PRKAR1A: variants seen among roughly 807,000 people sequenced by gnomAD.
The protein encoded by PRKAR1A is protein kinase cAMP-dependent type I regulatory subunit alpha.
In PRKAR1A, 3 loss-of-function variants were observed where a neutral mutation model predicts 52.0. That is an observed-to-expected ratio of 0.06 (90% CI 0.03 to 0.15). The LOEUF is 0.15. PRKAR1A is among the 10% of genes least tolerant of loss of function. The pLI, the probability that PRKAR1A is intolerant of heterozygous loss-of-function variation, is 1.00. For synonymous variants in PRKAR1A, 188 were observed against 168.4 expected (o/e 1.12, Z -0.90); for missense variants, 240 against 477.4 (o/e 0.50, Z 4.63).
rs1233559792 is a variant in PRKAR1A at position 68,531,283 on chromosome 17, AT to A, written c.*837del. 9.4e-7 allele frequency: 1 copy of A among 1,066,186 alleles called. No individual in the cohort carries two copies. Among genetic ancestry groups the A allele is most frequent in the Non-Finnish European group, 1.1e-6 (1 of 879,638 alleles). The allele number at this position is 1,066,186 out of a possible 1,614,324, so 66.0% of individuals were successfully genotyped here. A position where few individuals can be genotyped will look rare whatever the true frequency, so the allele number is the denominator to read the frequency against. On this transcript the variant is annotated 3_prime_UTR_variant, in exon 11 of 11. Transcript: ENST00000589228. ...ATCAGATGCTGAATTGAGAATAAGA[AT>A]TTGAGGTCTACATTCTTGGTTGTTA... is the stretch of plus-strand genomic sequence containing the variant.
the PRKAR1A span, among the ~76,000 whole-genome samples, chr17:68,473,826 A>G: frequency 2.0e-5 from 3 of 152,078 alleles, no homozygotes; most frequent in Admixed American, 6.6e-5. Context: ...TGGCCAACCT[A>G]TCTATTTTAT....
chr17:68,432,916 G>T, the PRKAR1A span, among the ~76,000 whole-genome samples: 1 of 151,910 alleles, frequency 6.6e-6, no homozygotes, highest in Non-Finnish European at 1.5e-5. Context: ...CTCATTGTCT[G>T]CCCTGAAGTT....
chr17:68,441,076 C>T, the PRKAR1A span: 5 of 152,206 alleles, frequency 3.3e-5, no homozygotes, highest in African/African-American at 1.2e-4. Context: ...CTCAATATCC[C>T]ATAAAAGGTG....
chr17:68,423,637 G>T, the PRKAR1A span, among the ~76,000 whole-genome samples: 1 of 152,192 alleles, frequency 6.6e-6, no homozygotes, highest in South Asian at 2.1e-4. The surrounding 1 kb of genome is among the most constrained non-coding windows in gnomAD (Gnocchi z 4.4). Flanking sequence ...GGAGGGAGAA[G>T]AAACAACTGG....
chr17:68,457,352 G>A, the PRKAR1A span: 1 of 1,544,182 alleles, frequency 6.5e-7, no homozygotes, highest in South Asian at 1.2e-5. Flanking sequence ...GTGCAGTCCT[G>A]GTTGAAAGAG....
At position 68,532,998 on chromosome 17, in the gene PRKAR1A, A is replaced by C; in HGVS notation, c.*2549A>C. ...GCAGATTTATTTACTTAGTCATGGA[A>C]AGAAAAAAATTCAGTCAAAAGCTAA... On this transcript the variant is annotated 3_prime_UTR_variant, in exon 11 of 11. Coordinates refer to ENST00000589228, the MANE Select transcript of PRKAR1A (RefSeq NM_002734.5). 9.4e-7 allele frequency: 1 copy of C among 1,065,898 alleles called. No individual in the cohort carries two copies. Among genetic ancestry groups the C allele is most frequent in the Non-Finnish European group, 1.1e-6 (1 of 879,682 alleles). 66.0% of individuals were successfully genotyped at this position (1,065,898 alleles called of 1,614,324 possible). A position where few individuals can be genotyped will look rare whatever the true frequency, so the allele number is the denominator to read the frequency against.
At chr17:68,442,423 C>T in the PRKAR1A span, among the ~76,000 whole-genome samples, 6,856 of 150,836 alleles carry the variant, frequency 0.045, 481 homozygotes, top group African/African-American at 0.15. Flanking sequence ...TGAGATTGCA[C>T]CACCTCACTC....
chr17:68,425,915 ACAG>A, the PRKAR1A span: 2 of 626,594 alleles, frequency 3.2e-6, no homozygotes, highest in East Asian at 5.5e-5. Flanking sequence ...TTCGAAGCAC[ACAG>A]TACAACAAAT....
intron 2 of PRKAR1A, among the ~76,000 whole-genome samples, chr17:68,521,264 CTG>C (rs1335622604): frequency 6.6e-6 from 1 of 152,124 alleles, no homozygotes; most frequent in Non-Finnish European, 1.5e-5. Flanking sequence ...GGATCTCACT[CTG>C]TTGCCCAGGC....
At chr17:68,502,585 C>G in the PRKAR1A span, among the ~76,000 whole-genome samples, 1 of 151,972 alleles carries the variant, frequency 6.6e-6, no homozygotes, top group Non-Finnish European at 1.5e-5. Context: ...ACCCCCGTCT[C>G]TACTAAAAAT....
chr17:68,539,808 G>T, intron 11 of PRKAR1A: 1 of 1,434,158 alleles, frequency 7.0e-7, no homozygotes, highest in Non-Finnish European at 9.8e-7. Context: ...CAGGGCGTCT[G>T]TTTCCCCCGA....
At position 68,512,510 on chromosome 17, in the gene PRKAR1A, C is replaced by G. The variant is rs1394975602; in HGVS notation, c.-45C>G. ...GAGGGAGCTCGGTACGCCGCCGCCTCGCACCCGCAGCCTCGCGCCCGCCGC... is the reference window on the plus strand; with the variant it reads ...GAGGGAGCTCGGTACGCCGCCGCCTGGCACCCGCAGCCTCGCGCCCGCCGC... On this transcript the variant is annotated 5_prime_UTR_variant, in exon 1 of 11. Transcript: ENST00000589228. The G allele has an allele frequency of 7.8e-5, 12 of 153,954 alleles. No individual in the cohort carries two copies. The Admixed American group carries it at 7.9e-4, about 10-fold the overall frequency. The allele number at this position is 153,954 out of a possible 1,614,324, so 9.5% of individuals were successfully genotyped here.
intron 2 of PRKAR1A, 142 bp from the exon 3 acceptor site, chr17:68,522,614 T>G: frequency 1.1e-6 from 1 of 882,902 alleles, no homozygotes; most frequent in Admixed American, 2.0e-5. Flanking sequence ...TTTTCCCCTT[T>G]GGAATTGGTG....
the PRKAR1A span, among the ~76,000 whole-genome samples, chr17:68,448,974 G>T: frequency 6.6e-6 from 1 of 152,050 alleles, no homozygotes; most frequent in Non-Finnish European, 1.5e-5. Context: ...ATTTTTCACC[G>T]CACTGCTTTA....
downstream of PRKAR1A, among the ~76,000 whole-genome samples, chr17:68,534,832 A>G (rs957184473): frequency 3.9e-5 from 6 of 152,352 alleles, no homozygotes; most frequent in South Asian, 2.1e-4. Flanking sequence ...CAGCAAGATT[A>G]TGTATTGATC....
chr17:68,486,358 C>A, the PRKAR1A span, among the ~76,000 whole-genome samples: 15 of 151,782 alleles, frequency 9.9e-5, no homozygotes, highest in Non-Finnish European at 2.2e-4. Context: ...CTTCTCATCC[C>A]CCTCTTCCTC....
chr17:68,429,024 T>C, the PRKAR1A span: 1 of 979,568 alleles, frequency 1.0e-6, no homozygotes. Flanking sequence ...TCACCCTAGC[T>C]GTCACCAGAT....
At chr17:68,537,422 C>T (rs577021566), downstream of PRKAR1A, 4 of 1,611,402 alleles carry the variant, frequency 2.5e-6, no homozygotes, top group East Asian at 2.2e-5. This position sits in a 1 kb window ranked among gnomAD's most constrained non-coding sequence, Gnocchi z 4.2. Context: ...GGTCGGCACT[C>T]GAGTCGACTG....
the PRKAR1A span, among the ~76,000 whole-genome samples, chr17:68,433,917 G>A: frequency 6.6e-6 from 1 of 151,502 alleles, no homozygotes; most frequent in African/African-American, 2.4e-5. Flanking sequence ...CAAGTAGCTG[G>A]GATTACAGGC....
Sources: gnomAD v4.1 joint callset for allele counts (sites outside exome capture counted in the v4.1 genomes callset) on GRCh38, gnomAD v4.1.1 for gene constraint, Gnocchi (gnomAD v3.1) non-coding constraint, MANE v1.5 for transcripts, NCBI Gene and HGNC (gene_info 2026-07-23, HGNC 2026-07-21) for gene names.